SSTR3: variants seen among roughly 807,000 people sequenced by gnomAD.
SSTR3 encodes somatostatin receptor 3.
For missense variants in SSTR3, 504 were observed against 604.7 expected, an observed-to-expected ratio of 0.83 and a Z score of 1.75; for synonymous variants, 281 against 269.2, an observed-to-expected ratio of 1.04 and a Z score of -0.43.
rs2145806388 is a variant in SSTR3 at position 37,210,919 on chromosome 22, A to G, written c.-37+906T>C. ...TGAACAGCCAAGCCGTTCAACAAGG[A>G]GAGCTCCAAGGTGGGACATTGTCCC... On this transcript the variant is annotated intron_variant, in intron 1 of 1. Coordinates refer to ENST00000610913, the MANE Select transcript of SSTR3 (RefSeq NM_001051.5). 5.1e-6 allele frequency: 5 copies of G among 985,506 alleles called. No individual in the cohort carries two copies. In the South Asian group the frequency reaches 2.3e-4, roughly 46 times the overall value. The allele number at this position is 985,506 out of a possible 1,614,324, so 61.0% of individuals were successfully genotyped here. A position where few individuals can be genotyped will look rare whatever the true frequency, so the allele number is the denominator to read the frequency against.
chr22:37,219,337 C>A, the SSTR3 span, among the ~76,000 whole-genome samples: 1 of 152,242 alleles, frequency 6.6e-6, no homozygotes, highest in Non-Finnish European at 1.5e-5. Flanking sequence ...GGCTGTGCCT[C>A]ACCCCTCTCT....
intron 1 of SSTR3, chr22:37,210,855 C>A: frequency 2.0e-6 from 2 of 985,474 alleles, no homozygotes; most frequent in Non-Finnish European, 2.4e-6. Flanking sequence ...TATTTCTTAA[C>A]CCCAGAACCT....
In SSTR3 at chr22:37,207,705, C is replaced by T. The variant is rs86583; in HGVS notation, c.99G>A (p.Ala33=). ...PPDATLGNVS[A]GPSPAGLAVS... is the part of the protein sequence containing the mutation. ...CGGCCAGCCCTGCCGGGCTTGGGCCCGCCGACACGTTGCCCAGGGTGGCAT... is the reference window on the plus strand; with the variant it reads ...CGGCCAGCCCTGCCGGGCTTGGGCCTGCCGACACGTTGCCCAGGGTGGCAT... The change falls in exon 2 of 2, where the codon GCG becomes GCA. Residue 33 remains alanine (A), a synonymous_variant. Transcript: ENST00000610913. 0.24 allele frequency: 366,859 copies of T among 1,545,564 alleles called. 50,557 individuals are homozygous for T. The highest frequency in any genetic ancestry group is 0.59 in the East Asian group (26,003 of 43,996).
chr22:37,209,150 C>T (rs764143448), intron 1 of SSTR3, among the ~76,000 whole-genome samples: 50 of 152,332 alleles, frequency 3.3e-4, no homozygotes, highest in Non-Finnish European at 4.9e-4. Flanking sequence ...TGGGCCTGCA[C>T]TTCCTCCCTC....
chr22:37,209,829 G>A (rs1287044889), intron 1 of SSTR3, among the ~76,000 whole-genome samples: 1 of 152,222 alleles, frequency 6.6e-6, no homozygotes, highest in African/African-American at 2.4e-5. Context: ...GCTGGCATCC[G>A]CTTTCCCAGT....
At chr22:37,210,763 C>A in intron 1 of SSTR3, 2 of 985,496 alleles carry the variant, frequency 2.0e-6, no homozygotes, top group African/African-American at 1.7e-5. Context: ...TTCAGGGAGG[C>A]CAGGCACCCC....
upstream of SSTR3, chr22:37,215,638 T>A (rs1926406494): frequency 5.2e-6 from 1 of 192,870 alleles, no homozygotes; most frequent in African/African-American, 2.3e-5. Context: ...ATCAAACATG[T>A]CCAGCTGTCC....
At chr22:37,210,366 C>T (rs543092240) in intron 1 of SSTR3, among the ~76,000 whole-genome samples, 12 of 152,374 alleles carry the variant, frequency 7.9e-5, no homozygotes, top group Admixed American at 7.8e-4. Flanking sequence ...AGGAACACGG[C>T]GTGCCTAGCC....
Position 37,206,152 on chromosome 22 carries a change from C to T in SSTR3, c.*395G>A. 1 of 175,036 alleles carries T rather than the reference C, an allele frequency of 5.7e-6. No individual in the cohort carries two copies. The highest frequency in any genetic ancestry group is 1.2e-5 in the Non-Finnish European group (1 of 83,946). The allele number at this position is 175,036 out of a possible 1,614,324, so 10.8% of individuals were successfully genotyped here. A position where few individuals can be genotyped will look rare whatever the true frequency, so the allele number is the denominator to read the frequency against. ...CCCCCAGCAGCTCCTGTGTTCCTGA[C>T]TCTGAGCCCAAGAAATCCTGGCCTT... On this transcript the variant is annotated 3_prime_UTR_variant, in exon 2 of 2. Coordinates refer to ENST00000610913, the MANE Select transcript of SSTR3 (RefSeq NM_001051.5).
chr22:37,213,835 C>G (rs951650103), upstream of SSTR3, among the ~76,000 whole-genome samples: 11 of 152,260 alleles, frequency 7.2e-5, no homozygotes, highest in African/African-American at 2.7e-4. Flanking sequence ...CCTGCGCGGG[C>G]CTCCTCCTCT....
upstream of SSTR3, among the ~76,000 whole-genome samples, chr22:37,216,355 T>C (rs561250487): frequency 1.6e-4 from 25 of 152,328 alleles, no homozygotes; most frequent in South Asian, 2.5e-3. Context: ...TTACATTTCT[T>C]ACGCACTCTC....
upstream of SSTR3, among the ~76,000 whole-genome samples, chr22:37,214,384 C>T (rs941178748): frequency 2.6e-5 from 4 of 152,170 alleles, no homozygotes; most frequent in Non-Finnish European, 5.9e-5. Flanking sequence ...TAAGGAGAGT[C>T]GAGGCCAAAA....
the SSTR3 span, among the ~76,000 whole-genome samples, chr22:37,218,543 G>C: frequency 6.6e-6 from 1 of 152,176 alleles, no homozygotes; most frequent in African/African-American, 2.4e-5. Flanking sequence ...AGCATCAGGG[G>C]AGAGGGGAAA....
At position 37,212,236 on chromosome 22, in the gene SSTR3, GGAGA is replaced by G. The variant is rs370802114; in HGVS notation, c.-452_-449del. ...GAGAGAGAGAGAGAAAGAGGGAGGG[GGAGA>G]GAGAGAGAGGGAGAGGGAGAGGAGA... On this transcript the variant is annotated 5_prime_UTR_variant, in exon 1 of 2. The change creates a premature stop within an existing upstream ORF in the 5' untranslated region. Coordinates refer to ENST00000610913, the MANE Select transcript of SSTR3 (RefSeq NM_001051.5). 8.6e-3 allele frequency: 5,934 copies of G among 686,756 alleles called. 58 individuals carry two copies. Among genetic ancestry groups the G allele is most frequent in the South Asian group, 0.023 (347 of 15,098 alleles). The allele number at this position is 686,756 out of a possible 1,614,324, so 42.5% of individuals were successfully genotyped here. A position where few individuals can be genotyped will look rare whatever the true frequency, so the allele number is the denominator to read the frequency against.
At chr22:37,207,921 A>C in intron 1 of SSTR3, 82 bp from the exon 2 acceptor site, 1 of 1,361,116 alleles carries the variant, frequency 7.3e-7, no homozygotes, top group Non-Finnish European at 9.4e-7. Flanking sequence ...GAACCTGGGG[A>C]CCTGCTGCAC....
At chr22:37,220,489 T>C in the SSTR3 span, among the ~76,000 whole-genome samples, 8 of 151,558 alleles carry the variant, frequency 5.3e-5, no homozygotes, top group Admixed American at 6.6e-5. Context: ...GAGGTGGAGG[T>C]TGCAGTGAGC....
At chr22:37,210,556 G>GTGC (rs1926130950) in intron 1 of SSTR3, 1 of 985,392 alleles carries the variant, frequency 1.0e-6, no homozygotes, top group Non-Finnish European at 1.2e-6. Context: ...TGCAATTGAG[G>GTGC]TGCCGTCTTT....
intron 1 of SSTR3, among the ~76,000 whole-genome samples, chr22:37,208,583 C>T (rs1486029748): frequency 6.6e-6 from 1 of 152,216 alleles, no homozygotes; most frequent in East Asian, 1.9e-4. Flanking sequence ...AGATGCTATC[C>T]AAGAGTAGTC....
Position 37,206,110 on chromosome 22 carries a change from T to G in SSTR3, c.*437A>C. 1 of 160,440 alleles carries G rather than the reference T, an allele frequency of 6.2e-6. No individual in the cohort carries two copies. The allele number at this position is 160,440 out of a possible 1,614,324, so 9.9% of individuals were successfully genotyped here. ...CCCACCGGGTTAGGCTTTCTTCTGT[T>G]TAGGTTTCCAGCCCAGCCCCCAGCA... On this transcript the variant is annotated 3_prime_UTR_variant, in exon 2 of 2. Transcript: ENST00000610913.
Sources: allele counts gnomAD v4.1 joint callset (sites outside exome capture counted in the v4.1 genomes callset), GRCh38; gene constraint gnomAD v4.1.1; transcripts MANE v1.5; gene names NCBI Gene and HGNC (gene_info 2026-07-23, HGNC 2026-07-21).